Variants in BICDL1 observed in about 807,000 individuals in gnomAD.
The protein encoded by BICDL1 is BICD family like cargo adaptor 1.
Under a neutral mutation model 76.8 loss-of-function variants are expected in BICDL1, and 20 were observed. That is an observed-to-expected ratio of 0.26 (90% CI 0.18 to 0.38). The LOEUF is 0.38. Ranked by LOEUF, BICDL1 falls within the 10% of genes least tolerant of loss-of-function variation. The pLI is 1.00. For synonymous variants in BICDL1, 383 were observed against 337.1 expected (o/e 1.14, Z -1.49); for missense variants, 700 against 798.6 (o/e 0.88, Z 1.49).
At chr12:120,073,016 G>A (rs1040372638) in intron 6 of BICDL1, among the ~76,000 whole-genome samples, 14 of 152,240 alleles carry the variant, frequency 9.2e-5, no homozygotes, top group Admixed American at 2.6e-4. Context: ...GATTACAGGC[G>A]TGCACCACCA....
chr12:120,037,085 T>A (rs187031729), intron 2 of BICDL1, among the ~76,000 whole-genome samples: 1 of 152,322 alleles, frequency 6.6e-6, no homozygotes, highest in African/African-American at 2.4e-5. Flanking sequence ...CTAATTTGTT[T>A]CACTTGGGTT....
intron 2 of BICDL1, among the ~76,000 whole-genome samples, chr12:120,034,391 G>A (rs1952490040): frequency 2.0e-5 from 3 of 152,252 alleles, no homozygotes; most frequent in Admixed American, 2.0e-4. Context: ...GTTTTAGAGC[G>A]GCTATCTAGC....
intron 8 of BICDL1, among the ~76,000 whole-genome samples, chr12:120,086,494 C>G (rs1304671705): frequency 1.3e-5 from 2 of 152,106 alleles, no homozygotes; most frequent in Non-Finnish European, 2.9e-5. Context: ...GGGGTGGGGT[C>G]AGTTGGGTGG....
intron 2 of BICDL1, 33 bp from the exon 3 acceptor site, chr12:120,061,677 C>T: frequency 6.9e-7 from 1 of 1,452,000 alleles, no homozygotes; most frequent in Non-Finnish European, 9.7e-7. Context: ...TGCATAACCT[C>T]CGAATCAGCT....
In BICDL1 at chr12:120,093,224, C is replaced by T; in HGVS notation, c.*63C>T. 6.5e-7 allele frequency: 1 copy of T among 1,531,776 alleles called. No homozygotes were observed. Among genetic ancestry groups the T allele is most frequent in the Non-Finnish European group, 8.8e-7 (1 of 1,131,824 alleles). The allele number at this position is 1,531,776 out of a possible 1,614,324, so 94.9% of individuals were successfully genotyped here. ...GAGGCAGCTGGAAAGGCGGTGCAGG[C>T]AAGGCCTCCCCTGCAGCTTGCACCT... On this transcript the variant is annotated 3_prime_UTR_variant, in exon 10 of 10. Coordinates refer to ENST00000548673, the MANE Select transcript of BICDL1 (RefSeq NM_001367886.1).
chr12:120,026,607 A>G (rs1952308025), intron 2 of BICDL1, among the ~76,000 whole-genome samples: 1 of 152,240 alleles, frequency 6.6e-6, no homozygotes, highest in African/African-American at 2.4e-5. Flanking sequence ...TATAACAAGG[A>G]AATACACTAA....
At position 120,078,718 on chromosome 12, in the gene BICDL1, A is replaced by G. The variant is rs7311301; in HGVS notation, c.1453-2169A>G. On this transcript the variant is annotated intron_variant, in intron 7 of 9. Transcript: ENST00000548673. ...TAAGGCACATGTCTGGTAGGCTGTA[A>G]CTCGACCAGGTTTTTTAGGCCAAAG... Among the ~76,000 whole-genome samples, 971 of 152,364 alleles carry G rather than the reference A, an allele frequency of 6.4e-3. 10 individuals are homozygous for G. The highest frequency in any genetic ancestry group is 0.022 in the African/African-American group (932 of 41,586).
chr12:120,026,030 G>A (rs941445874), intron 2 of BICDL1, among the ~76,000 whole-genome samples: 6 of 152,024 alleles, frequency 3.9e-5, no homozygotes, highest in African/African-American at 1.5e-4. Flanking sequence ...TAGAGATGGG[G>A]TTTCGCCATG....
chr12:120,077,520 G>A (rs1399754968), intron 7 of BICDL1, among the ~76,000 whole-genome samples: 2 of 152,184 alleles, frequency 1.3e-5, no homozygotes, highest in Non-Finnish European at 2.9e-5. Flanking sequence ...TCACCCAGGT[G>A]GCAGGAGGCT....
chr12:120,033,881 C>T (rs775472982), intron 2 of BICDL1, among the ~76,000 whole-genome samples: 24 of 152,198 alleles, frequency 1.6e-4, no homozygotes, highest in Non-Finnish European at 1.5e-5. Flanking sequence ...GCTGGCATCC[C>T]TCTGTCACCA....
chr12:120,091,914 T>C (rs2139033001), intron 9 of BICDL1: 1 of 985,186 alleles, frequency 1.0e-6, no homozygotes, highest in East Asian at 1.1e-4. Flanking sequence ...ACAGGGAGCC[T>C]GCCCTGAACA....
At chr12:120,067,307 C>T (rs1953242422) in intron 4 of BICDL1, among the ~76,000 whole-genome samples, 1 of 152,232 alleles carries the variant, frequency 6.6e-6, no homozygotes, top group African/African-American at 2.4e-5. Context: ...TGGGGCAACC[C>T]AGGAAGCAGG....
chr12:119,999,702 C>T (rs1951722777), intron 2 of BICDL1: 1 of 387,500 alleles, frequency 2.6e-6, no homozygotes, highest in Non-Finnish European at 4.9e-6. Context: ...CAGAACATAC[C>T]TTTTAAACAA....
rs1339402970 is a variant in BICDL1, at chr12:120,074,467, T to G, written c.1333T>G (p.Ser445Ala). ...PTGSRRLDDDSLEEQIRQTSE... is the reference protein window; with the variant it reads ...PTGSRRLDDDALEEQIRQTSE... ...GGGCTCCCGGAGACTTGATGATGAC[T>G]CCTTAGAAGAACAGATAAGGCAGAC... Residue 445 changes from serine (S) to alanine (A), a missense_variant, in exon 7 of 10, where the codon TCC becomes GCC. By Grantham distance (99) the Ser-to-Ala change is moderately conservative. Coordinates refer to ENST00000548673, the MANE Select transcript of BICDL1 (RefSeq NM_001367886.1). The G allele has an allele frequency of 8.0e-7, 1 of 1,253,074 alleles. No individual in the cohort carries two copies. The highest frequency in any genetic ancestry group is 1.0e-6 in the Non-Finnish European group (1 of 972,340). 77.6% of individuals were successfully genotyped at this position (1,253,074 alleles called of 1,614,324 possible). A position where few individuals can be genotyped will look rare whatever the true frequency, so the allele number is the denominator to read the frequency against.
At chr12:120,054,105 C>T (rs1400693532) in intron 2 of BICDL1, among the ~76,000 whole-genome samples, 1 of 150,256 alleles carries the variant, frequency 6.7e-6, no homozygotes, top group African/African-American at 2.5e-5. Flanking sequence ...CAGAGTCTCG[C>T]TCTGTCGCCC....
intron 2 of BICDL1, among the ~76,000 whole-genome samples, chr12:120,017,564 G>A (rs1264842274): frequency 1.3e-5 from 2 of 152,014 alleles, no homozygotes; most frequent in Non-Finnish European, 2.9e-5. Flanking sequence ...ACCCGTCTCT[G>A]CAAAAATTTT....
At chr12:120,070,848 C>T (rs1451818158) in intron 4 of BICDL1, among the ~76,000 whole-genome samples, 1 of 151,782 alleles carries the variant, frequency 6.6e-6, no homozygotes, top group African/African-American at 2.4e-5. Context: ...TCTCCTGCCT[C>T]AGCCTCCCGA....
At position 120,071,919 on chromosome 12, in the gene BICDL1, C is replaced by G. The variant is rs74836517; in HGVS notation, c.1089+118C>G. 38,715 of 1,406,176 alleles carry G rather than the reference C, an allele frequency of 0.028. 1,180 individuals carry two copies. The highest frequency in any genetic ancestry group is 0.14 in the African/African-American group (9,555 of 68,290). 87.1% of individuals were successfully genotyped at this position (1,406,176 alleles called of 1,614,324 possible). A position where few individuals can be genotyped will look rare whatever the true frequency, so the allele number is the denominator to read the frequency against. On this transcript the variant is annotated intron_variant, in intron 5 of 9. Transcript: ENST00000548673. This position sits in a 1 kb window ranked among gnomAD's most constrained non-coding sequence, Gnocchi z 4.8. ...GCTGTGCCCCTGTGCCTGTGTCAGC[C>G]CCTTGGCCTGCTGGCTAGAGTGTCA...
At chr12:120,074,950 G>C (rs1873419940) in intron 7 of BICDL1, among the ~76,000 whole-genome samples, 1 of 152,158 alleles carries the variant, frequency 6.6e-6, no homozygotes, top group Non-Finnish European at 1.5e-5. Context: ...AGGAACAATT[G>C]ATCTTTACAG....
Sources: gnomAD v4.1 joint callset for allele counts (sites outside exome capture counted in the v4.1 genomes callset) on GRCh38, gnomAD v4.1.1 for gene constraint, Gnocchi (gnomAD v3.1) non-coding constraint, MANE v1.5 for transcripts, NCBI Gene and HGNC (gene_info 2026-07-23, HGNC 2026-07-21) for gene names.